The following MICALL2 variants were observed in gnomAD, a reference collection of about 807,000 sequenced individuals.
MICALL2 encodes the protein MICAL-like protein 2.
In MICALL2, 111 loss-of-function variants were observed where a neutral mutation model predicts 91.1. The observed-to-expected ratio is 1.22, with a 90% CI of 1.04 to 1.43. The LOEUF (loss-of-function observed/expected upper bound fraction) is 1.43. Among genes scored for constraint, MICALL2 ranks in the 40% most tolerant of loss-of-function variants. The probability of loss-of-function intolerance (pLI) is 0.00; values close to 1 mark genes in which losing one functional copy is unlikely to be tolerated. For missense variants in MICALL2, 1,556 were observed against 1,236.0 expected (o/e 1.26, Z -3.88); for synonymous variants, 694 against 525.3 (o/e 1.32, Z -4.39).
At chr7:1,440,499 A>C in intron 8 of MICALL2, 92 bp downstream of exon 8, 1 of 1,146,070 alleles carries the variant, frequency 8.7e-7, no homozygotes, top group South Asian at 1.3e-5. Context: ...CTATCCCTGG[A>C]TAGGCGTGTC....
At chr7:1,454,324 C>T (rs140056935) in intron 1 of MICALL2, among the ~76,000 whole-genome samples, 63 of 152,044 alleles carry the variant, frequency 4.1e-4, no homozygotes, top group Middle Eastern at 6.8e-3. Flanking sequence ...AAGACCCCAG[C>T]GGAGATGGTG....
intron 10 of MICALL2, 44 bp downstream of exon 10, chr7:1,438,796 C>A: frequency 6.4e-7 from 1 of 1,558,102 alleles, no homozygotes. Context: ...AGGAAGGCTC[C>A]CTTCACGTAC....
At position 1,442,179 on chromosome 7, in the gene MICALL2, G is replaced by C. The variant is rs777885426; in HGVS notation, c.1711+13C>G. Reference sequence around the variant, plus strand: ...GGCCCCCGGGGCCTCCTGCCTCCCAGCCCCTTACTCACCCTGCGTTAAGGT... The same window carrying C: ...GGCCCCCGGGGCCTCCTGCCTCCCACCCCCTTACTCACCCTGCGTTAAGGT... On this transcript the variant is annotated intron_variant, in intron 7 of 16. Transcript: ENST00000297508. 11 of 1,610,966 alleles carry C rather than the reference G, an allele frequency of 6.8e-6. No individual in the cohort carries two copies. Among genetic ancestry groups the C allele is most frequent in the Non-Finnish European group, 9.3e-6 (11 of 1,179,604 alleles).
intron 7 of MICALL2, 100 bp downstream of exon 7, chr7:1,442,092 G>A (rs527456276): frequency 3.5e-5 from 46 of 1,326,946 alleles, no homozygotes; most frequent in East Asian, 2.5e-4. Context: ...GAAGGCGGGC[G>A]GGGCTGATGA....
Position 1,451,638 on chromosome 7 carries a change from G to A in MICALL2, c.144-1350C>T, listed in dbSNP as rs185849420. Among the ~76,000 whole-genome samples, 1 of 152,282 alleles carries A rather than the reference G, an allele frequency of 6.6e-6. No homozygotes were observed. The highest frequency in any genetic ancestry group is 1.9e-4 in the East Asian group (1 of 5,166). On this transcript the variant is annotated intron_variant, in intron 1 of 16. Coordinates refer to ENST00000297508, the MANE Select transcript of MICALL2 (RefSeq NM_182924.4). This position sits in a 1 kb window ranked among gnomAD's most constrained non-coding sequence, Gnocchi z 4.5. ...TGGCCCCACAGAGGGAGCTGGGGCT[G>A]CAAGCCGTGTCCTGCCTCACCCCGG...
rs1584199574 is a variant in MICALL2 at position 1,438,547 on chromosome 7, C to T, written c.2123-194G>A. 2.1e-6 allele frequency: 3 copies of T among 1,429,642 alleles called. No homozygotes were observed. In the East Asian group the frequency reaches 7.6e-5, roughly 36 times the overall value. 88.6% of individuals were successfully genotyped at this position (1,429,642 alleles called of 1,614,324 possible). ...TGAGTGGCCTCCAGGCCCAGCCCCA[C>T]CCTGCACCCTGCCCTCCTCCAGGTC... On this transcript the variant is annotated intron_variant, in intron 10 of 16. Transcript: ENST00000297508.
In MICALL2 at chr7:1,444,723, C is replaced by T. The variant is rs777650597; in HGVS notation, c.1347G>A (p.Lys449=). ...PSLVLSKDSS[K]EQARNFLKQA... ...GCTTGAGGAAGTTCCGCGCCTGCTC[C>T]TTGCTGCTGTCCTTGGATAGAACAA... Residue 449 remains lysine (K), a synonymous_variant, in exon 6 of 17, where the codon AAG becomes AAA. Transcript: ENST00000297508. 6.2e-7 allele frequency: 1 copy of T among 1,612,484 alleles called. No homozygotes were observed. The highest frequency in any genetic ancestry group is 2.2e-5 in the East Asian group (1 of 44,884).
At chr7:1,438,039 C>T in intron 12 of MICALL2, 58 bp downstream of exon 12, 1 of 1,560,838 alleles carries the variant, frequency 6.4e-7, no homozygotes, top group Non-Finnish European at 8.7e-7. Flanking sequence ...CCCCCAGCCC[C>T]AGGACTGAGG....
Position 1,446,800 on chromosome 7 carries a change from C to T in MICALL2, c.554G>A (p.Ser185Asn), listed in dbSNP as rs762029581. ...TDQALAGSLVSSTCGVCGKHV... is the reference protein window; with the variant it reads ...TDQALAGSLVNSTCGVCGKHV... ...CTTGCCGCAGACCCCGCAGGTGCTG[C>T]TGACCAAGCTGCCCGCCAATGCCTG... is the stretch of plus-strand genomic sequence containing the variant. The change falls in exon 5 of 17, where the codon AGC (serine) becomes AAC (asparagine). Residue 185 changes from serine to asparagine, a missense_variant. Transcript: ENST00000297508. 1 of 1,601,650 alleles carries T rather than the reference C, an allele frequency of 6.2e-7. No homozygotes were observed. Among genetic ancestry groups the T allele is most frequent in the Non-Finnish European group, 8.5e-7 (1 of 1,174,580 alleles).
intron 9 of MICALL2, 61 bp from the exon 10 acceptor site, chr7:1,439,056 C>A: frequency 7.3e-7 from 1 of 1,367,730 alleles, no homozygotes; most frequent in Admixed American, 1.9e-5. Flanking sequence ...AGCCTGGGGT[C>A]TGTCCCAGCA....
Position 1,437,463 on chromosome 7 carries a change from C to T in MICALL2, c.2476+72G>A. 6.6e-6 allele frequency: 9 copies of T among 1,362,740 alleles called. No individual in the cohort carries two copies. In the South Asian group the frequency reaches 8.6e-5, roughly 13 times the overall value. 84.4% of individuals were successfully genotyped at this position (1,362,740 alleles called of 1,614,324 possible). ...AGGACAGTCAGGTGGCCTCACAGAG[C>T]CGGCCCCCAGACATCCTGGGCTCCG... On this transcript the variant is annotated intron_variant, in intron 14 of 16. Coordinates refer to ENST00000297508, the MANE Select transcript of MICALL2 (RefSeq NM_182924.4).
At chr7:1,434,981 A>AT in intron 16 of MICALL2, 120 bp downstream of exon 16, 6 of 372,302 alleles carry the variant, frequency 1.6e-5, no homozygotes, top group South Asian at 4.0e-5. Context: ...GGGACCCGAT[A>AT]CCCGCCCCCC....
chr7:1,443,296 G>A (rs564224210), intron 6 of MICALL2, among the ~76,000 whole-genome samples: 39 of 151,764 alleles, frequency 2.6e-4, no homozygotes, highest in African/African-American at 7.5e-4. Flanking sequence ...GGAGCAGAGC[G>A]AACTCGCTCT....
chr7:1,443,066 G>A (rs144510636), intron 6 of MICALL2, among the ~76,000 whole-genome samples: 3,860 of 150,612 alleles, frequency 0.026, 63 homozygotes, highest in Non-Finnish European at 0.041. Flanking sequence ...CCACCCCCGA[G>A]CCAGTGCCTC....
chr7:1,436,445 C>T (rs575903808), intron 15 of MICALL2, among the ~76,000 whole-genome samples: 69 of 149,878 alleles, frequency 4.6e-4, no homozygotes, highest in African/African-American at 1.6e-3. Flanking sequence ...CCCAGCTACT[C>T]GAGAAGCTGA....
intron 15 of MICALL2, among the ~76,000 whole-genome samples, chr7:1,435,878 C>T (rs932076484): frequency 5.3e-5 from 8 of 151,798 alleles, no homozygotes; most frequent in Non-Finnish European, 1.2e-4. Context: ...GGGGAAACCC[C>T]GTCTCTACTA....
chr7:1,437,513 G>C, intron 14 of MICALL2, 22 bp downstream of exon 14: 1 of 1,504,926 alleles, frequency 6.6e-7, no homozygotes, highest in Non-Finnish European at 8.8e-7. Flanking sequence ...GGGGCCCCTT[G>C]GCTGGCGCGC....
chr7:1,438,781 C>T (rs1455426934), intron 10 of MICALL2, 59 bp downstream of exon 10: 3 of 1,541,252 alleles, frequency 1.9e-6, no homozygotes, highest in Non-Finnish European at 2.6e-6. Context: ...GCATTGCCTC[C>T]TCAGAGGAAG....
chr7:1,456,029 G>A (rs1482127826), intron 1 of MICALL2, among the ~76,000 whole-genome samples: 4 of 151,906 alleles, frequency 2.6e-5, no homozygotes, highest in Non-Finnish European at 5.9e-5. Context: ...TGCATGAGGA[G>A]ACCTCCACCC....
Sources: allele counts gnomAD v4.1 joint callset (sites outside exome capture counted in the v4.1 genomes callset), GRCh38; gene constraint gnomAD v4.1.1; non-coding constraint Gnocchi (gnomAD v3.1); transcripts MANE v1.5; gene names NCBI Gene and HGNC (gene_info 2026-07-23, HGNC 2026-07-21).